The following HADH variants were observed in gnomAD, a reference collection of about 807,000 sequenced individuals.
HADH encodes hydroxyacyl-CoA dehydrogenase, also known as hydroxyacyl-coenzyme A dehydrogenase, mitochondrial.
HADH carries 24 observed loss-of-function variants against 32.2 expected under a neutral mutation model. That is an observed-to-expected ratio of 0.75 (90% confidence interval 0.54 to 1.05). HADH has a LOEUF of 1.05. HADH is among the 50% of genes least tolerant of loss of function. The pLI, the probability that HADH is intolerant of heterozygous loss-of-function variation, is 0.00. For missense variants in HADH, 350 were observed against 397.1 expected (o/e 0.88, Z 1.01); for synonymous variants, 139 against 152.5 (o/e 0.91, Z 0.65).
At chr4:108,023,350 C>A in intron 4 of HADH, 124 bp from the exon 5 acceptor site, 2 of 698,638 alleles carry the variant, frequency 2.9e-6, no homozygotes, top group Non-Finnish European at 2.6e-6. Context: ...ATTCCTACTT[C>A]TATGCTGAAA....
In HADH at chr4:108,034,256, G is replaced by A. The variant is rs972897276; in HGVS notation, c.844G>A (p.Ala282Thr). 4.4e-6 allele frequency: 7 copies of A among 1,607,784 alleles called. No homozygotes were observed. Among genetic ancestry groups the A allele is most frequent in the Non-Finnish European group, 4.3e-6 (5 of 1,174,252 alleles). The change falls in exon 8 of 8, where the codon GCA becomes ACA. Residue 282 changes from alanine (A) to threonine (T), a missense_variant. Coordinates refer to ENST00000309522, the MANE Select transcript of HADH (RefSeq NM_005327.7). ...CTCAATAGGGTGGCATGAAATGGAT[G>A]CAGAGAACCCATTACATCAGCCCAG... ...FIVDGWHEMD[A>T]ENPLHQPSPS...
intron 3 of HADH, 139 bp downstream of exon 3, chr4:108,014,727 G>C (rs1378702907): frequency 2.6e-6 from 2 of 760,320 alleles, no homozygotes; most frequent in Non-Finnish European, 4.3e-6. Flanking sequence ...GGTGAAGTCT[G>C]GGCTTTTAGT....
intron 1 of HADH, among the ~76,000 whole-genome samples, chr4:108,003,836 A>C (rs1336688433): frequency 4.0e-5 from 6 of 149,510 alleles, no homozygotes; most frequent in East Asian, 4.0e-4. Flanking sequence ...ACAAAAAAAA[A>C]ACCCGCAAGC....
chr4:108,020,342 C>T (rs545038725), intron 4 of HADH, among the ~76,000 whole-genome samples: 5 of 152,064 alleles, frequency 3.3e-5, no homozygotes, highest in Admixed American at 6.5e-5. Flanking sequence ...TTTTGGTGCA[C>T]GCATGTAGTC....
At chr4:108,020,018 G>A (rs7691313) in intron 4 of HADH, among the ~76,000 whole-genome samples, 131,892 of 152,158 alleles carry the variant, frequency 0.87, 58,037 homozygotes, top group East Asian at 0.97. Context: ...ATATTATCTC[G>A]TCGAGGTCAG....
Position 108,035,154 on chromosome 4 carries a change from T to C in HADH, c.*797T>C, listed in dbSNP as rs965386249. 6.6e-6 allele frequency: 1 copy of C among 152,220 alleles called. No individual in the cohort carries two copies. The highest frequency in any genetic ancestry group is 1.5e-5 in the Non-Finnish European group (1 of 68,054). 9.4% of individuals were successfully genotyped at this position (152,220 alleles called of 1,614,324 possible). On this transcript the variant is annotated 3_prime_UTR_variant, in exon 8 of 8. Transcript: ENST00000309522. ...ACTCAAATGATTATAAAAGTAAAAG[T>C]TGGTAATTTAGGCAGAAGCTATTTC...
At chr4:108,032,664 A>G (rs1736311597) in intron 6 of HADH, 5 of 362,768 alleles carry the variant, frequency 1.4e-5, no homozygotes, top group Middle Eastern at 8.3e-4. Context: ...CAGTACTCCA[A>G]AATTCACCTC....
intron 6 of HADH, chr4:108,030,129 A>C (rs1224430398): frequency 6.6e-6 from 1 of 152,360 alleles, no homozygotes; most frequent in Non-Finnish European, 1.5e-5. Flanking sequence ...TGCTCAAGAC[A>C]GGCTCAGTGG....
chr4:108,003,817 A>G (rs1265322592), intron 1 of HADH, among the ~76,000 whole-genome samples: 1 of 151,970 alleles, frequency 6.6e-6, no homozygotes, highest in Non-Finnish European at 1.5e-5. Context: ...GAATTAAAAA[A>G]AAAAAAAAAC....
chr4:108,034,538 C>A lies in HADH; in HGVS notation c.*181C>A. The A allele has an allele frequency of 1.6e-6, 1 of 627,606 alleles. No individual in the cohort carries two copies. The allele number at this position is 627,606 out of a possible 1,614,324, so 38.9% of individuals were successfully genotyped here. ...ACCAGTTACAGCAGTAATAGATTCT[C>A]CATTAAGAAATAATTCCCTTTTTTA... On this transcript the variant is annotated 3_prime_UTR_variant, in exon 8 of 8. Coordinates refer to ENST00000309522, the MANE Select transcript of HADH (RefSeq NM_005327.7).
chr4:108,030,694 C>T (rs1560739925), intron 6 of HADH: 1 of 152,110 alleles, frequency 6.6e-6, no homozygotes, highest in Non-Finnish European at 1.5e-5. Flanking sequence ...CAATGAACCT[C>T]CTAAAGTTGA....
At chr4:108,001,217 A>C (rs1371119637) in intron 1 of HADH, among the ~76,000 whole-genome samples, 1 of 152,232 alleles carries the variant, frequency 6.6e-6, no homozygotes, top group East Asian at 1.9e-4. Flanking sequence ...CCTACAGAAT[A>C]GTGGTACCAG....
intron 1 of HADH, among the ~76,000 whole-genome samples, chr4:107,999,573 A>G (rs1735056389): frequency 6.6e-6 from 1 of 152,250 alleles, no homozygotes; most frequent in Non-Finnish European, 1.5e-5. Flanking sequence ...AAAGGTTTCT[A>G]GCAACAAAAC....
At position 108,014,647 on chromosome 4, in the gene HADH, A is replaced by T. The variant is rs1303827284; in HGVS notation, c.419+59A>T. 761 of 1,459,594 alleles carry T rather than the reference A, an allele frequency of 5.2e-4. 5 individuals are homozygous for T. Among genetic ancestry groups the T allele is most frequent in the South Asian group, 1.4e-3 (118 of 84,170 alleles). 90.4% of individuals were successfully genotyped at this position (1,459,594 alleles called of 1,614,324 possible). A position where few individuals can be genotyped will look rare whatever the true frequency, so the allele number is the denominator to read the frequency against. ...TTTTTTAACCTTATTTTTGTTTTTC[A>T]TTTTTATTTTTTGTTTTTATAGATT... is the stretch of plus-strand genomic sequence containing the variant. On this transcript the variant is annotated intron_variant, in intron 3 of 7. Transcript: ENST00000309522.
intron 2 of HADH, among the ~76,000 whole-genome samples, chr4:108,012,552 G>C (rs376981672): frequency 1.8e-4 from 28 of 152,280 alleles, no homozygotes; most frequent in African/African-American, 6.5e-4. Flanking sequence ...TATTTGTCTT[G>C]ATTGGCTAGC....
At chr4:108,019,441 G>T in intron 3 of HADH, 99 bp from the exon 4 acceptor site, 1 of 1,017,892 alleles carries the variant, frequency 9.8e-7, no homozygotes. Context: ...GACAACAGAT[G>T]TGGCAGTAAG....
intron 2 of HADH, among the ~76,000 whole-genome samples, chr4:108,011,127 G>C (rs528284155): frequency 1.4e-4 from 21 of 152,224 alleles, no homozygotes; most frequent in African/African-American, 5.1e-4. Context: ...GATTACAGGT[G>C]TGAGCCACCA....
intron 1 of HADH, among the ~76,000 whole-genome samples, chr4:108,003,493 T>C (rs958808580): frequency 6.6e-6 from 1 of 152,178 alleles, no homozygotes; most frequent in African/African-American, 2.4e-5. Flanking sequence ...GAACTCCAAC[T>C]ATAGGCTTGT....
intron 1 of HADH, among the ~76,000 whole-genome samples, chr4:107,995,084 C>G (rs1279720460): frequency 6.6e-6 from 1 of 152,056 alleles, no homozygotes; most frequent in African/African-American, 2.4e-5. Flanking sequence ...GCACACACAC[C>G]TCACTCTCTA....
Sources: allele counts gnomAD v4.1 joint callset (sites outside exome capture counted in the v4.1 genomes callset), GRCh38; gene constraint gnomAD v4.1.1; transcripts MANE v1.5; gene names NCBI Gene and HGNC (gene_info 2026-07-23, HGNC 2026-07-21).